Variants in RANBP17 observed in about 807,000 individuals in gnomAD.
RANBP17 encodes the protein ran-binding protein 17.
RANBP17 carries 158 observed loss-of-function variants against 141.2 expected under a neutral mutation model. The ratio of observed to expected loss-of-function variants is 1.12; its 90% confidence interval spans 0.98 to 1.28. RANBP17 has a LOEUF of 1.28. Ranked by LOEUF, RANBP17 falls within the 50% of genes most tolerant of loss-of-function variation. The pLI is 0.00. For synonymous variants in RANBP17, 430 were observed against 450.0 expected, an observed-to-expected ratio of 0.96 and a Z score of 0.56; for missense variants, 1,438 against 1,290.7, an observed-to-expected ratio of 1.11 and a Z score of -1.75.
chr5:171,102,547 T>G (rs1787245438), intron 14 of RANBP17, among the ~76,000 whole-genome samples: 1 of 152,118 alleles, frequency 6.6e-6, no homozygotes, highest in African/African-American at 2.4e-5. Flanking sequence ...ACATGCTTCT[T>G]GAGCTCAGAG....
intron 1 of RANBP17, among the ~76,000 whole-genome samples, chr5:170,870,382 C>T: frequency 6.6e-6 from 1 of 151,802 alleles, no homozygotes; most frequent in Middle Eastern, 3.2e-3. Flanking sequence ...CTCACCCCCA[C>T]AACAGGCCCC....
chr5:171,171,817 G>GC (rs1259790100), intron 16 of RANBP17, among the ~76,000 whole-genome samples: 1 of 151,730 alleles, frequency 6.6e-6, no homozygotes, highest in East Asian at 1.9e-4. Flanking sequence ...TTTGATTATT[G>GC]CCCCCACCAA....
chr5:170,898,539 C>A (rs1231564822), intron 5 of RANBP17, among the ~76,000 whole-genome samples: 1 of 152,152 alleles, frequency 6.6e-6, no homozygotes, highest in African/African-American at 2.4e-5. Context: ...AATTAGATCC[C>A]ATTTGTCAAT....
intron 22 of RANBP17, among the ~76,000 whole-genome samples, chr5:171,229,269 G>A (rs1000180480): frequency 3.3e-5 from 5 of 152,150 alleles, no homozygotes; most frequent in African/African-American, 9.7e-5. Flanking sequence ...CAACACCTTG[G>A]GATCCCAAAA....
At chr5:171,239,334 C>G (rs1764724520) in intron 22 of RANBP17, among the ~76,000 whole-genome samples, 2 of 152,118 alleles carry the variant, frequency 1.3e-5, no homozygotes, top group South Asian at 2.1e-4. Context: ...GAACCTTTAC[C>G]CTGTGCTGGT....
chr5:171,295,411 A>G (rs1220437837), intron 26 of RANBP17, among the ~76,000 whole-genome samples: 1 of 152,196 alleles, frequency 6.6e-6, no homozygotes, highest in East Asian at 1.9e-4. Flanking sequence ...CTTGGAAAAA[A>G]GCCCAAAGTC....
intron 12 of RANBP17, chr5:170,924,784 T>A: frequency 2.9e-6 from 1 of 344,636 alleles, no homozygotes; most frequent in Non-Finnish European, 5.3e-6. Flanking sequence ...CTGGAATCAA[T>A]ATGAAGAAAA....
chr5:170,872,864 G>C (rs1767863962), intron 1 of RANBP17, among the ~76,000 whole-genome samples: 1 of 152,076 alleles, frequency 6.6e-6, no homozygotes, highest in African/African-American at 2.4e-5. Flanking sequence ...AACCAGCTTT[G>C]CATCCCAGGG....
intron 15 of RANBP17, among the ~76,000 whole-genome samples, chr5:171,170,860 G>C (rs117254921): frequency 6.6e-6 from 1 of 152,120 alleles, no homozygotes; most frequent in South Asian, 2.1e-4. Flanking sequence ...TTATTTGGCA[G>C]TAACAGTGAG....
At chr5:171,182,535 T>A (rs966572971) in intron 16 of RANBP17, among the ~76,000 whole-genome samples, 1 of 152,216 alleles carries the variant, frequency 6.6e-6, no homozygotes, top group African/African-American at 2.4e-5. Flanking sequence ...AGCTCCTGTT[T>A]CATTATTTAT....
chr5:170,922,130 C>G (rs1056814870), intron 11 of RANBP17, among the ~76,000 whole-genome samples: 2 of 152,070 alleles, frequency 1.3e-5, no homozygotes, highest in Non-Finnish European at 2.9e-5. Context: ...CACTCCAGAC[C>G]CTGTTTGTCT....
At chr5:171,164,836 G>T (rs1759568285) in intron 14 of RANBP17, among the ~76,000 whole-genome samples, 1 of 152,164 alleles carries the variant, frequency 6.6e-6, no homozygotes, top group South Asian at 2.1e-4. Flanking sequence ...GTTCCTTTAT[G>T]CCTTTAACAA....
At chr5:171,279,385 G>T (rs1767714034) in intron 25 of RANBP17, among the ~76,000 whole-genome samples, 1 of 152,128 alleles carries the variant, frequency 6.6e-6, no homozygotes, top group African/African-American at 2.4e-5. Flanking sequence ...CAACGTCAAG[G>T]GTCTGCATCT....
intron 14 of RANBP17, among the ~76,000 whole-genome samples, chr5:170,978,227 A>G (rs943528910): frequency 1.3e-5 from 2 of 152,176 alleles, no homozygotes; most frequent in African/African-American, 4.8e-5. Context: ...ATGGAGTGGA[A>G]CACATGATAA....
At chr5:170,891,124 A>G (rs1359616640) in intron 3 of RANBP17, among the ~76,000 whole-genome samples, 1 of 152,278 alleles carries the variant, frequency 6.6e-6, no homozygotes, top group East Asian at 1.9e-4. Flanking sequence ...ATGCTACATA[A>G]TAAAAAGCAC....
intron 1 of RANBP17, among the ~76,000 whole-genome samples, chr5:170,865,191 T>C (rs1767141355): frequency 6.6e-6 from 1 of 152,174 alleles, no homozygotes; most frequent in African/African-American, 2.4e-5. Flanking sequence ...GCCTCCTGGG[T>C]AGCTGGGATT....
chr5:171,063,481 C>T (rs895697024), intron 14 of RANBP17, among the ~76,000 whole-genome samples: 5 of 152,208 alleles, frequency 3.3e-5, no homozygotes, highest in Admixed American at 2.6e-4. Context: ...AGCAGATTTT[C>T]GTGAACCGCG....
intron 14 of RANBP17, among the ~76,000 whole-genome samples, chr5:171,003,130 A>G (rs1351530244): frequency 6.6e-6 from 1 of 152,224 alleles, no homozygotes; most frequent in Non-Finnish European, 1.5e-5. Context: ...AGCCTAAAAC[A>G]GTAAGGTCAA....
chr5:171,192,456 T>C (rs1392600042), intron 18 of RANBP17, among the ~76,000 whole-genome samples: 2 of 152,082 alleles, frequency 1.3e-5, no homozygotes, highest in East Asian at 3.9e-4. Flanking sequence ...TGAAAATGGG[T>C]AGCTATAGTC....
Sources: gnomAD v4.1 joint callset for allele counts (sites outside exome capture counted in the v4.1 genomes callset) on GRCh38, gnomAD v4.1.1 for gene constraint, MANE v1.5 for transcripts, NCBI Gene and HGNC (gene_info 2026-07-23, HGNC 2026-07-21) for gene names.